Variants in SYT1 observed in about 807,000 individuals in gnomAD.
SYT1 encodes synaptotagmin-1.
Under a neutral mutation model 44.8 loss-of-function variants are expected in SYT1, and 8 were observed. The observed-to-expected ratio is 0.18, with a 90% CI of 0.10 to 0.32. The LOEUF is 0.32. Ranked by LOEUF, SYT1 falls within the 10% of genes least tolerant of loss-of-function variation. The probability of loss-of-function intolerance (pLI) is 1.00; values close to 1 mark genes in which losing one functional copy is unlikely to be tolerated. For synonymous variants in SYT1, 154 were observed against 188.8 expected (o/e 0.82, Z 1.51); for missense variants, 286 against 509.3 (o/e 0.56, Z 4.22).
At chr12:78,928,395 T>C (rs1385843085) in intron 1 of SYT1, among the ~76,000 whole-genome samples, 1 of 152,174 alleles carries the variant, frequency 6.6e-6, no homozygotes, top group Non-Finnish European at 1.5e-5. Context: ...GCATAATTTG[T>C]TTTCCTTCTT....
chr12:79,065,093 G>C (rs1875738077), intron 3 of SYT1, among the ~76,000 whole-genome samples: 1 of 152,078 alleles, frequency 6.6e-6, no homozygotes, highest in East Asian at 1.9e-4. Flanking sequence ...CTTAAGGGAG[G>C]CCAGCGTAGT....
At position 79,079,217 on chromosome 12, in the gene SYT1, C is replaced by T. The variant is rs755417625; in HGVS notation, c.-18+31855C>T. ...TCACAAGTTGGCAAGAACATGAGAA[C>T]GATTTCAACTGACTTTCACCTCTCC... On this transcript the variant is annotated intron_variant, in intron 3 of 10. Coordinates refer to ENST00000261205, the MANE Select transcript of SYT1 (RefSeq NM_005639.3). Among the ~76,000 whole-genome samples the T allele has an allele frequency of 2.9e-4, 44 of 151,744 alleles. 1 individual carries two copies. The highest frequency in any genetic ancestry group is 1.7e-4 in the African/African-American group (7 of 41,298).
intron 9 of SYT1, among the ~76,000 whole-genome samples, chr12:79,371,319 C>G (rs1332861568): frequency 6.6e-6 from 1 of 152,046 alleles, no homozygotes; most frequent in Non-Finnish European, 1.5e-5. Flanking sequence ...GGCCATAATC[C>G]CCAAATCATA....
intron 1 of SYT1, among the ~76,000 whole-genome samples, chr12:78,948,441 A>G (rs1011274200): frequency 6.6e-6 from 1 of 152,032 alleles, no homozygotes; most frequent in Non-Finnish European, 1.5e-5. Flanking sequence ...CCATATTTTA[A>G]TGAAAATATA....
At chr12:79,119,479 G>GA (rs1555199756) in intron 3 of SYT1, among the ~76,000 whole-genome samples, 10 of 148,010 alleles carry the variant, frequency 6.8e-5, no homozygotes, top group African/African-American at 2.5e-4. Flanking sequence ...CACATAAGGT[G>GA]TTTTTTTTTT....
At chr12:79,445,990 C>CACATATATATAT (rs1351149858) in intron 10 of SYT1, among the ~76,000 whole-genome samples, 2 of 44,146 alleles carry the variant, frequency 4.5e-5, no homozygotes, top group African/African-American at 1.5e-4. Flanking sequence ...AATCCAAAGA[C>CACATATATATAT]ATATATATAT....
At chr12:79,426,081 TAA>T (rs201612555) in intron 9 of SYT1, among the ~76,000 whole-genome samples, 18 of 142,626 alleles carry the variant, frequency 1.3e-4, no homozygotes, top group African/African-American at 3.3e-4. Context: ...ACTGTTTGAT[TAA>T]AAAAAAAAAA....
intron 1 of SYT1, among the ~76,000 whole-genome samples, chr12:78,923,828 T>G (rs1464382797): frequency 6.6e-6 from 1 of 151,832 alleles, no homozygotes; most frequent in Non-Finnish European, 1.5e-5. Context: ...AAAGGCATGA[T>G]CTCTCATCAG....
At chr12:79,188,897 A>G (rs1295286843) in intron 3 of SYT1, among the ~76,000 whole-genome samples, 1 of 152,144 alleles carries the variant, frequency 6.6e-6, no homozygotes, top group East Asian at 1.9e-4. Flanking sequence ...ATAGAAGAAT[A>G]CAGAGTCCCA....
chr12:79,104,421 G>T (rs1411052681), intron 3 of SYT1, among the ~76,000 whole-genome samples: 2 of 151,590 alleles, frequency 1.3e-5, no homozygotes. Context: ...TTCCCTAATC[G>T]CTACAAAATC....
chr12:79,437,707 C>A (rs1351017862), intron 9 of SYT1, among the ~76,000 whole-genome samples: 1 of 152,100 alleles, frequency 6.6e-6, no homozygotes, highest in Admixed American at 6.5e-5. Flanking sequence ...TGAAACTGTG[C>A]CTCTAACACC....
chr12:79,088,659 C>T (rs886975304), intron 3 of SYT1, among the ~76,000 whole-genome samples: 11 of 151,946 alleles, frequency 7.2e-5, no homozygotes, highest in African/African-American at 2.7e-4. Context: ...TACTTATGCA[C>T]TCTGAATAGA....
intron 4 of SYT1, among the ~76,000 whole-genome samples, chr12:79,257,653 G>A (rs1048236163): frequency 6.6e-5 from 10 of 152,160 alleles, no homozygotes; most frequent in African/African-American, 1.4e-4. Context: ...ACCCCCGGCT[G>A]ATTTTTTGTA....
chr12:79,073,454 T>A (rs1323193428), intron 3 of SYT1, among the ~76,000 whole-genome samples: 1 of 152,062 alleles, frequency 6.6e-6, no homozygotes, highest in South Asian at 2.1e-4. Flanking sequence ...TTAGGCGAAT[T>A]CGGAATGTTG....
chr12:78,978,139 A>G (rs932359727), intron 2 of SYT1, among the ~76,000 whole-genome samples: 3 of 152,144 alleles, frequency 2.0e-5, no homozygotes, highest in Non-Finnish European at 4.4e-5. Flanking sequence ...TACTATTATT[A>G]ATGTTTTTGA....
chr12:79,207,387 G>C (rs1034054393), intron 3 of SYT1, among the ~76,000 whole-genome samples: 5 of 152,170 alleles, frequency 3.3e-5, no homozygotes, highest in African/African-American at 4.8e-5. Context: ...TTGATTTTAG[G>C]TTCCAGGATA....
At chr12:79,171,971 A>T (rs1871553026) in intron 3 of SYT1, among the ~76,000 whole-genome samples, 1 of 151,984 alleles carries the variant, frequency 6.6e-6, no homozygotes, top group African/African-American at 2.4e-5. Flanking sequence ...ATTTAAAGAG[A>T]TCACTTATTT....
At chr12:79,189,105 C>T (rs190633758) in intron 3 of SYT1, among the ~76,000 whole-genome samples, 66 of 152,192 alleles carry the variant, frequency 4.3e-4, no homozygotes, top group Non-Finnish European at 6.8e-4. Context: ...GATGACTAGA[C>T]CACTATCTAG....
At chr12:79,270,087 G>GA (rs1878341201) in intron 4 of SYT1, among the ~76,000 whole-genome samples, 1 of 151,956 alleles carries the variant, frequency 6.6e-6, no homozygotes, top group Non-Finnish European at 1.5e-5. Context: ...GCTGATTTTT[G>GA]AAAAATGATT....
Sources: allele counts gnomAD v4.1 joint callset (sites outside exome capture counted in the v4.1 genomes callset), GRCh38; gene constraint gnomAD v4.1.1; transcripts MANE v1.5; gene names NCBI Gene and HGNC (gene_info 2026-07-23, HGNC 2026-07-21).